Variants in WWOX observed in about 807,000 individuals in gnomAD.
WWOX encodes the protein WW domain containing oxidoreductase.
WWOX carries 69 observed loss-of-function variants against 46.2 expected under a neutral mutation model. That is an observed-to-expected ratio of 1.49 (90% CI 1.23 to 1.82). The LOEUF is 1.82. Ranked by LOEUF, WWOX falls within the 40% of genes most tolerant of loss-of-function variation. The pLI is 0.00. For synonymous variants in WWOX, 359 were observed against 202.6 expected (o/e 1.77, Z -6.56); for missense variants, 919 against 542.6 (o/e 1.69, Z -6.89).
intron 5 of WWOX, among the ~76,000 whole-genome samples, chr16:78,317,339 G>A (rs1051737508): frequency 1.1e-4 from 17 of 152,096 alleles, no homozygotes; most frequent in Non-Finnish European, 2.5e-4. Flanking sequence ...GTAAAGCAGT[G>A]TTTCTTCCCC....
At chr16:78,809,770 A>G (rs1240515070) in intron 8 of WWOX, among the ~76,000 whole-genome samples, 1 of 152,144 alleles carries the variant, frequency 6.6e-6, no homozygotes, top group Non-Finnish European at 1.5e-5. Flanking sequence ...GGACAGGAAG[A>G]AGGAAGGGGA....
intron 8 of WWOX, among the ~76,000 whole-genome samples, chr16:78,876,631 C>T (rs2044239918): frequency 6.6e-6 from 1 of 152,154 alleles, no homozygotes; most frequent in Non-Finnish European, 1.5e-5. Context: ...ACTGCTTTCT[C>T]TAGAGATCTC....
intron 5 of WWOX, among the ~76,000 whole-genome samples, chr16:78,301,488 G>T (rs1411410388): frequency 6.6e-6 from 1 of 152,042 alleles, no homozygotes; most frequent in Admixed American, 6.6e-5. Context: ...TATGAATCTG[G>T]TTTTGACTTC....
At chr16:78,557,207 G>C (rs1407401251) in intron 8 of WWOX, among the ~76,000 whole-genome samples, 1 of 150,730 alleles carries the variant, frequency 6.6e-6, no homozygotes, top group East Asian at 2.0e-4. Flanking sequence ...TGCTAACACA[G>C]GGAAAGACCA....
intron 8 of WWOX, among the ~76,000 whole-genome samples, chr16:78,759,899 C>T (rs577126421): frequency 6.6e-6 from 1 of 152,158 alleles, no homozygotes; most frequent in Non-Finnish European, 1.5e-5. Flanking sequence ...CATTTTTCAG[C>T]TCACGGCCAC....
Position 78,776,831 on chromosome 16 carries a change from A to G in WWOX, c.1056+344079A>G, listed in dbSNP as rs566190263. ...GGAGGAAACCACCACATATAAAACCATCAGATCGCGTAAGAACTCGCTATG... is the reference window on the plus strand; with the variant it reads ...GGAGGAAACCACCACATATAAAACCGTCAGATCGCGTAAGAACTCGCTATG... On this transcript the variant is annotated intron_variant, in intron 8 of 8. Coordinates refer to ENST00000566780, the MANE Select transcript of WWOX (RefSeq NM_016373.4). Among the ~76,000 whole-genome samples the G allele has an allele frequency of 2.6e-5, 4 of 152,226 alleles. No homozygotes were observed. The South Asian group carries it at 8.3e-4, about 32-fold the overall frequency.
chr16:78,465,616 G>A (rs1479280420), intron 8 of WWOX, among the ~76,000 whole-genome samples: 2 of 152,166 alleles, frequency 1.3e-5, no homozygotes, highest in African/African-American at 4.8e-5. Flanking sequence ...ATGCTTTTCA[G>A]GAATGTGTTC....
intron 8 of WWOX, among the ~76,000 whole-genome samples, chr16:78,982,385 C>T (rs1301690932): frequency 6.6e-6 from 1 of 152,166 alleles, no homozygotes; most frequent in Non-Finnish European, 1.5e-5. Context: ...GTGCCATTGC[C>T]AGAATACACG....
chr16:78,663,952 C>T (rs760623980), intron 8 of WWOX, among the ~76,000 whole-genome samples: 3 of 152,200 alleles, frequency 2.0e-5, no homozygotes, highest in Non-Finnish European at 4.4e-5. Context: ...GCCAACCACA[C>T]ATGTGCAGCC....
At chr16:79,115,027 GT>G (rs2049487466) in intron 8 of WWOX, among the ~76,000 whole-genome samples, 1 of 152,216 alleles carries the variant, frequency 6.6e-6, no homozygotes, top group African/African-American at 2.4e-5. Flanking sequence ...GCAAAGCCAA[GT>G]GCAAGTTCCT....
intron 8 of WWOX, among the ~76,000 whole-genome samples, chr16:78,823,654 T>G (rs1021215267): frequency 3.9e-5 from 6 of 152,188 alleles, no homozygotes; most frequent in African/African-American, 1.4e-4. Context: ...TATATAAAAG[T>G]ATACACGTAT....
chr16:78,408,495 A>G (rs972417445), intron 6 of WWOX, among the ~76,000 whole-genome samples: 4 of 152,170 alleles, frequency 2.6e-5, no homozygotes, highest in African/African-American at 7.2e-5. Flanking sequence ...CATTGTCTGC[A>G]TGCCTAATTC....
chr16:78,384,932 G>A (rs989813559), intron 5 of WWOX, among the ~76,000 whole-genome samples: 12 of 152,058 alleles, frequency 7.9e-5, no homozygotes, highest in Non-Finnish European at 1.5e-5. Flanking sequence ...TCAAGAGATT[G>A]AGACCATCCT....
intron 5 of WWOX, among the ~76,000 whole-genome samples, chr16:78,298,309 G>T (rs2079975707): frequency 6.6e-6 from 1 of 152,154 alleles, no homozygotes; most frequent in Non-Finnish European, 1.5e-5. Flanking sequence ...TAGGAGATGA[G>T]AAGAGCTCTA....
intron 8 of WWOX, among the ~76,000 whole-genome samples, chr16:78,807,230 G>C (rs1286360622): frequency 2.6e-5 from 4 of 152,142 alleles, no homozygotes; most frequent in Admixed American, 2.0e-4. Context: ...TTTCCACTGA[G>C]TCGCAACATG....
At chr16:78,769,489 T>TGGGTAATTAACAA (rs1251901464) in intron 8 of WWOX, among the ~76,000 whole-genome samples, 1 of 151,954 alleles carries the variant, frequency 6.6e-6, no homozygotes, top group African/African-American at 2.4e-5. Context: ...GGAGATAAAA[T>TGGGTAATTAACAA]GGGTAATTAA....
intron 8 of WWOX, among the ~76,000 whole-genome samples, chr16:78,647,044 G>C (rs1353532656): frequency 3.3e-5 from 5 of 152,164 alleles, no homozygotes. Flanking sequence ...TTTGAGCCCA[G>C]CTCTCCCTTT....
intron 5 of WWOX, chr16:78,168,496 A>G (rs1341665918): frequency 6.6e-6 from 1 of 151,238 alleles, no homozygotes; most frequent in Non-Finnish European, 1.5e-5. Context: ...GGGTGAAGGA[A>G]CTCACCCGAA....
chr16:78,870,799 A>G (rs548983064), intron 8 of WWOX, among the ~76,000 whole-genome samples: 1 of 152,064 alleles, frequency 6.6e-6, no homozygotes, highest in Admixed American at 6.6e-5. Context: ...ACGGGTTTTC[A>G]CCGTGTTGCC....
Sources: allele counts gnomAD v4.1 joint callset (sites outside exome capture counted in the v4.1 genomes callset), GRCh38; gene constraint gnomAD v4.1.1; transcripts MANE v1.5; gene names NCBI Gene and HGNC (gene_info 2026-07-23, HGNC 2026-07-21).